ARSI: variants seen among roughly 807,000 people sequenced by gnomAD.
ARSI encodes arylsulfatase I.
ARSI carries 37 observed loss-of-function variants against 42.1 expected under a neutral mutation model. The ratio of observed to expected loss-of-function variants is 0.88; its 90% CI spans 0.68 to 1.16. ARSI has a LOEUF of 1.16. Ranked by LOEUF, ARSI falls within the 50% of genes most tolerant of loss-of-function variation. The probability of loss-of-function intolerance (pLI) is 0.00; values close to 1 mark genes in which losing one functional copy is unlikely to be tolerated. For synonymous variants in ARSI, 305 were observed against 320.3 expected, an observed-to-expected ratio of 0.95 and a Z score of 0.51; for missense variants, 725 against 790.1, an observed-to-expected ratio of 0.92 and a Z score of 0.99.
At chr5:150,301,147 T>C (rs948207553) in intron 1 of ARSI, among the ~76,000 whole-genome samples, 3 of 152,252 alleles carry the variant, frequency 2.0e-5, no homozygotes, top group African/African-American at 7.2e-5. Context: ...ATCCAAGAAA[T>C]AGTGAGACTA....
At chr5:150,300,978 C>T (rs1199335304) in intron 1 of ARSI, among the ~76,000 whole-genome samples, 1 of 152,236 alleles carries the variant, frequency 6.6e-6, no homozygotes, top group East Asian at 1.9e-4. Flanking sequence ...TGGATCTAAA[C>T]GCTGGGTGCC....
chr5:150,301,949 G>T, intron 1 of ARSI, 114 bp downstream of exon 1: 1 of 1,164,308 alleles, frequency 8.6e-7, no homozygotes, highest in Non-Finnish European at 1.2e-6. Context: ...TGATTACACA[G>T]CCAACAGGAG....
At position 150,298,409 on chromosome 5, in the gene ARSI, G is replaced by A. The variant is rs369369445; in HGVS notation, c.515C>T (p.Thr172Met). The A allele has an allele frequency of 2.4e-5, 38 of 1,614,220 alleles. No homozygotes were observed. The African/African-American group carries it at 2.4e-4, about 10-fold the overall frequency. ...ATAGGTGTAATAGTCCACATTGCCC[G>A]TGAGCGAGCCCAGGAAGGTGTCGAA... ...RGFDTFLGSL[T>M]GNVDYYTYDN... The change falls in exon 2 of 2, where the codon ACG (threonine) becomes ATG (methionine). Residue 172 changes from threonine to methionine, a missense_variant. Physicochemically the swap from Thr to Met is moderately conservative, Grantham distance 81 (BLOSUM62 -1). Coordinates refer to ENST00000328668, the MANE Select transcript of ARSI (RefSeq NM_001012301.4).
Position 150,297,424 on chromosome 5 carries a change from G to A in ARSI, c.1500C>T (p.Ile500=). ...GGTTCTCAGCTGGGTAGCGTACCGG[G>A]ATGGCTGTGCGGTTATATTCGGCCA... is the stretch of plus-strand genomic sequence containing the variant. ...ARLAEYNRTA[I]PVRYPAENPR... is the part of the protein sequence containing the mutation. Residue 500 remains isoleucine (I), a synonymous_variant, in exon 2 of 2, where the codon ATC becomes ATT. Transcript: ENST00000328668. This position sits in a 1 kb window ranked among gnomAD's most constrained non-coding sequence, Gnocchi z 7.0. 6.2e-7 allele frequency: 1 copy of A among 1,609,162 alleles called. No homozygotes were observed. Among genetic ancestry groups the A allele is most frequent in the Admixed American group, 1.7e-5 (1 of 59,446 alleles).
chr5:150,302,161 G>C lies in ARSI; in HGVS notation c.213C>G (p.Thr71=), dbSNP rs140547690. 4.4e-5 allele frequency: 71 copies of C among 1,613,962 alleles called. 2 individuals are homozygous for C. In the African/African-American group the frequency reaches 8.1e-4, roughly 18 times the overall value. The part of the protein sequence containing the change: ...DVGYHGSDIE[T]PTLDRLAAKG... ...TGGCCGCCAGCCTGTCCAGCGTAGG[G>C]GTCTCGATATCTGAACCATGGTAGC... The change falls in exon 1 of 2, where the codon ACC becomes ACG. Residue 71 remains threonine (T), a synonymous_variant. Transcript: ENST00000328668. The surrounding 1 kb of genome is among the most constrained non-coding windows in gnomAD (Gnocchi z 6.1).
Position 150,297,848 on chromosome 5 carries a change from C to T in ARSI, c.1076G>A (p.Gly359Asp), listed in dbSNP as rs754624688. Residue 359 changes from glycine (G) to aspartate (D), a missense_variant, in exon 2 of 2, where the codon GGT (glycine) becomes GAT (aspartate). Gly to Asp is a moderately conservative substitution (Grantham distance 94). Coordinates refer to ENST00000328668, the MANE Select transcript of ARSI (RefSeq NM_001012301.4). The surrounding 1 kb of genome is among the most constrained non-coding windows in gnomAD (Gnocchi z 7.0). ...DWYPTLVGLA[G>D]GTTSAADGLD... ...CCCATCGGCTGCTGAGGTGGTACCA[C>T]CTGCCAGACCCACCAGGGTCGGGTA... 2.5e-6 allele frequency: 4 copies of T among 1,611,026 alleles called. No individual in the cohort carries two copies. The South Asian group carries it at 4.4e-5, about 18-fold the overall frequency.
In ARSI at chr5:150,297,632, G is replaced by A; in HGVS notation, c.1292C>T (p.Pro431Leu). The A allele has an allele frequency of 6.2e-7, 1 of 1,612,280 alleles. No individual in the cohort carries two copies. The highest frequency in any genetic ancestry group is 1.1e-5 in the South Asian group (1 of 90,908). Residue 431 changes from proline (P) to leucine (L), a missense_variant, in exon 2 of 2, where the codon CCC becomes CTC. By Grantham distance (98) the Pro-to-Leu change is moderately conservative. Transcript: ENST00000328668. The surrounding 1 kb of genome is among the most constrained non-coding windows in gnomAD (Gnocchi z 7.0). ...CGGTGGGATCCAATCGCCATAGCCG[G>A]GGTCTCCTGTCAGCAGCTTCCACTC... ...VGEWKLLTGDPGYGDWIPPQT... is the reference protein window; with the variant it reads ...VGEWKLLTGDLGYGDWIPPQT...
rs759150177 is a variant in ARSI at position 150,297,552 on chromosome 5, C to G, written c.1372G>C (p.Val458Leu). 1 of 1,612,532 alleles carries G rather than the reference C, an allele frequency of 6.2e-7. No homozygotes were observed. The highest frequency in any genetic ancestry group is 8.5e-7 in the Non-Finnish European group (1 of 1,179,622). ...TTGAAGAGCCACACGGCCTGGCGGA[C>G]ACTGGCCATTCGTTCCAGGTTCCAC... ...SWWNLERMAS[V>L]RQAVWLFNIS... The change falls in exon 2 of 2, where the codon GTC becomes CTC. Residue 458 changes from valine to leucine, a missense_variant. Coordinates refer to ENST00000328668, the MANE Select transcript of ARSI (RefSeq NM_001012301.4). The surrounding 1 kb of genome is among the most constrained non-coding windows in gnomAD (Gnocchi z 7.0).
chr5:150,299,342 A>G (rs1055647986), intron 1 of ARSI, among the ~76,000 whole-genome samples: 1 of 152,216 alleles, frequency 6.6e-6, no homozygotes, highest in Non-Finnish European at 1.5e-5. Flanking sequence ...AGCATTTAGT[A>G]CACACCATCG....
chr5:150,297,545 T>G lies in ARSI; in HGVS notation c.1379A>C (p.Gln460Pro). 1 of 1,612,802 alleles carries G rather than the reference T, an allele frequency of 6.2e-7. No homozygotes were observed. Among genetic ancestry groups the G allele is most frequent in the Non-Finnish European group, 8.5e-7 (1 of 1,179,704 alleles). The change falls in exon 2 of 2, where the codon CAG becomes CCG. Residue 460 changes from glutamine to proline, a missense_variant. Transcript: ENST00000328668. The surrounding 1 kb of genome is among the most constrained non-coding windows in gnomAD (Gnocchi z 7.0). Reference sequence around the variant, plus strand: ...ACTGATGTTGAAGAGCCACACGGCCTGGCGGACACTGGCCATTCGTTCCAG... The same window carrying G: ...ACTGATGTTGAAGAGCCACACGGCCGGGCGGACACTGGCCATTCGTTCCAG... Reference protein sequence around the residue: ...WNLERMASVRQAVWLFNISAD... With the variant: ...WNLERMASVRPAVWLFNISAD...
chr5:150,297,602 G>A lies in ARSI; in HGVS notation c.1322C>T (p.Thr441Ile). The A allele has an allele frequency of 6.2e-7, 1 of 1,610,590 alleles. No individual in the cohort carries two copies. Among genetic ancestry groups the A allele is most frequent in the Non-Finnish European group, 8.5e-7 (1 of 1,178,738 alleles). Residue 441 changes from threonine to isoleucine, a missense_variant, in exon 2 of 2, where the codon ACA (threonine) becomes ATA (isoleucine). Physicochemically the swap from Thr to Ile is moderately conservative, Grantham distance 89. Transcript: ENST00000328668. This position sits in a 1 kb window ranked among gnomAD's most constrained non-coding sequence, Gnocchi z 7.0. ...CCAGCTACCCGGGAAGGTGGCCAGT[G>A]TCTGCGGTGGGATCCAATCGCCATA... is the stretch of plus-strand genomic sequence containing the variant. ...PGYGDWIPPQ[T>I]LATFPGSWWN...
intron 1 of ARSI, among the ~76,000 whole-genome samples, 189 bp downstream of exon 1, chr5:150,301,874 T>C (rs1229239713): frequency 6.6e-6 from 1 of 152,016 alleles, no homozygotes; most frequent in African/African-American, 2.4e-5. Context: ...ACCTCAAAGA[T>C]GATGAAGCCC....
At chr5:150,299,724 T>C (rs1757888614) in intron 1 of ARSI, among the ~76,000 whole-genome samples, 1 of 152,060 alleles carries the variant, frequency 6.6e-6, no homozygotes, top group Admixed American at 6.6e-5. Context: ...TCTTCCCACA[T>C]GGGGGCCTCA....
At chr5:150,301,893 T>C (rs1757924536) in intron 1 of ARSI, among the ~76,000 whole-genome samples, 170 bp downstream of exon 1, 1 of 152,100 alleles carries the variant, frequency 6.6e-6, no homozygotes, top group Admixed American at 6.5e-5. Context: ...CCATTCAGTG[T>C]AAAGGAAGGG....
rs770497008 is a variant in ARSI at position 150,298,296 on chromosome 5, T to G, written c.628A>C (p.Met210Leu). The change falls in exon 2 of 2, where the codon ATG becomes CTG. Residue 210 changes from methionine to leucine, a missense_variant. Coordinates refer to ENST00000328668, the MANE Select transcript of ARSI (RefSeq NM_001012301.4). ...AWGLSGQYST[M>L]LYAQRASHIL... ...TGGCTGGCGCGCTGGGCATAAAGCA[T>G]AGTGGAGTACTGGCCGCTGAGCCCC... 3.7e-6 allele frequency: 6 copies of G among 1,613,314 alleles called. No homozygotes were observed. The African/African-American group carries it at 6.7e-5, about 18-fold the overall frequency.
At chr5:150,299,298 A>G (rs993853677) in intron 1 of ARSI, among the ~76,000 whole-genome samples, 1 of 152,200 alleles carries the variant, frequency 6.6e-6, no homozygotes, top group Non-Finnish European at 1.5e-5. Flanking sequence ...TAACTCTCCC[A>G]AAGAATTAGT....
chr5:150,300,165 T>G (rs1402155308), intron 1 of ARSI, among the ~76,000 whole-genome samples: 1 of 152,254 alleles, frequency 6.6e-6, no homozygotes, highest in East Asian at 1.9e-4. Context: ...GCTGTTATTG[T>G]TGTTAGCTCT....
Position 150,302,161 on chromosome 5 carries a change from G to T in ARSI, c.213C>A (p.Thr71=), listed in dbSNP as rs140547690. 1 of 1,613,844 alleles carries T rather than the reference G, an allele frequency of 6.2e-7. No homozygotes were observed. ...DVGYHGSDIE[T]PTLDRLAAKG... ...TGGCCGCCAGCCTGTCCAGCGTAGG[G>T]GTCTCGATATCTGAACCATGGTAGC... Residue 71 remains threonine (T), a synonymous_variant, in exon 1 of 2, where the codon ACC becomes ACA. Transcript: ENST00000328668. This position sits in a 1 kb window ranked among gnomAD's most constrained non-coding sequence, Gnocchi z 6.1.
In ARSI at chr5:150,296,658, G is replaced by A. The variant is rs971811434; in HGVS notation, c.*556C>T. The stretch of plus-strand genomic sequence containing the variant: ...GGTGCCTGACACCAGTCTGACCGGA[G>A]GACTGGCCTAGGCCATGTGAAGACC... On this transcript the variant is annotated 3_prime_UTR_variant, in exon 2 of 2. Transcript: ENST00000328668. 2 of 152,486 alleles carry A rather than the reference G, an allele frequency of 1.3e-5. No homozygotes were observed. The highest frequency in any genetic ancestry group is 2.4e-5 in the African/African-American group (1 of 41,470). The allele number at this position is 152,486 out of a possible 1,614,324, so 9.4% of individuals were successfully genotyped here.
Sources: allele counts gnomAD v4.1 joint callset (sites outside exome capture counted in the v4.1 genomes callset), GRCh38; gene constraint gnomAD v4.1.1; non-coding constraint Gnocchi (gnomAD v3.1); transcripts MANE v1.5; gene names NCBI Gene and HGNC (gene_info 2026-07-23, HGNC 2026-07-21).